Variants in RBFOX2 observed in about 807,000 individuals in gnomAD.
RBFOX2 encodes the protein RNA binding protein fox-1 homolog 2.
A neutral mutation model predicts 49.1 loss-of-function variants in RBFOX2; 10 were observed. The ratio of observed to expected loss-of-function variants is 0.20; its 90% CI spans 0.13 to 0.35. RBFOX2 has a LOEUF of 0.35. RBFOX2 is among the 10% of genes least tolerant of loss of function. RBFOX2 has a pLI of 1.00. For synonymous variants in RBFOX2, 183 were observed against 187.4 expected, an observed-to-expected ratio of 0.98 and a Z score of 0.19; for missense variants, 323 against 486.9, an observed-to-expected ratio of 0.66 and a Z score of 3.17.
chr22:35,803,147 A>AACACACAC (rs374346895), intron 2 of RBFOX2, among the ~76,000 whole-genome samples: 4,715 of 145,804 alleles, frequency 0.032, 101 homozygotes, highest in Non-Finnish European at 0.042. Context: ...AATTACTTAA[A>AACACACAC]ACACACACAC....
chr22:35,930,082 C>T (rs1316058462), intron 1 of RBFOX2, among the ~76,000 whole-genome samples: 4 of 139,638 alleles, frequency 2.9e-5, no homozygotes, highest in South Asian at 4.5e-4. Flanking sequence ...AGTGCAGTGG[C>T]ATAATCTCAG....
rs966871185 is a variant in RBFOX2 at position 36,012,931 on chromosome 22, A to T, written c.186+15309T>A. Among the ~76,000 whole-genome samples, 8 of 151,694 alleles carry T rather than the reference A, an allele frequency of 5.3e-5. No homozygotes were observed. In the East Asian group the frequency reaches 7.7e-4, roughly 15 times the overall value. ...AGGTGTCTGCCACTACGCCCAGCAA[A>T]TTTTTTTTATTTTTAGTAGAGATGG... is the stretch of plus-strand genomic sequence containing the variant. On this transcript the variant is annotated intron_variant, in intron 1 of 13. Coordinates refer to the RBFOX2 transcript ENST00000438146.
chr22:35,765,876 T>C (rs532178416), intron 5 of RBFOX2, among the ~76,000 whole-genome samples: 1 of 152,276 alleles, frequency 6.6e-6, no homozygotes, highest in Admixed American at 6.5e-5. Flanking sequence ...ATGAAATAGA[T>C]TGATGGAAAG....
chr22:35,781,825 C>A, intron 2 of RBFOX2, 79 bp from the exon 4 acceptor site: 1 of 1,577,846 alleles, frequency 6.3e-7, no homozygotes, highest in Admixed American at 1.7e-5. Flanking sequence ...AGCAATCATC[C>A]CCAAACAGGG....
intron 2 of RBFOX2, among the ~76,000 whole-genome samples, chr22:35,784,813 G>A (rs188409510): frequency 1.4e-4 from 21 of 152,122 alleles, no homozygotes; most frequent in South Asian, 1.2e-3. Flanking sequence ...GAGAGGGCCC[G>A]GGGGCCGCGA....
chr22:35,751,782 T>A lies in RBFOX2; in HGVS notation c.888-5221A>T, dbSNP rs150234860. On this transcript the variant is annotated intron_variant, in intron 9 of 11. Coordinates refer to ENST00000405409, the Ensembl canonical transcript of RBFOX2. ...ATCTTATTATTGTTTAAAATTGGGG[T>A]TAAGGGAAAAAATTGCTATGATCAA... 2.2e-3 allele frequency among the ~76,000 whole-genome samples: 331 copies of A among 152,274 alleles called. 4 individuals are homozygous for A. In the East Asian group the frequency reaches 0.034, roughly 16 times the overall value.
chr22:35,775,094 C>T (rs1943559027), intron 4 of RBFOX2, among the ~76,000 whole-genome samples: 1 of 152,080 alleles, frequency 6.6e-6, no homozygotes, highest in Non-Finnish European at 1.5e-5. Context: ...CAGTCAACCC[C>T]AAACATATAA....
upstream of RBFOX2, among the ~76,000 whole-genome samples, chr22:35,964,513 A>G (rs964819107): frequency 1.3e-5 from 2 of 152,228 alleles, no homozygotes; most frequent in African/African-American, 4.8e-5. Flanking sequence ...TTCTGGAATT[A>G]ATTTCATAAT....
chr22:35,935,519 T>C (rs2052958944), intron 1 of RBFOX2, among the ~76,000 whole-genome samples: 1 of 152,188 alleles, frequency 6.6e-6, no homozygotes, highest in Non-Finnish European at 1.5e-5. Flanking sequence ...ATTGGGACTG[T>C]ATATAACATG....
intron 1 of RBFOX2, chr22:35,961,535 C>G (rs1367802469): frequency 2.3e-6 from 3 of 1,303,314 alleles, no homozygotes; most frequent in Non-Finnish European, 3.0e-6. Context: ...CACTCCACCA[C>G]CCCCCACACA....
chr22:35,924,971 C>A (rs915298333), intron 1 of RBFOX2, among the ~76,000 whole-genome samples: 1 of 152,038 alleles, frequency 6.6e-6, no homozygotes, highest in Non-Finnish European at 1.5e-5. Flanking sequence ...GTCAGGAGTT[C>A]AAGACCAACT....
At chr22:35,865,664 T>C (rs1181793009) in intron 1 of RBFOX2, among the ~76,000 whole-genome samples, 1 of 152,146 alleles carries the variant, frequency 6.6e-6, no homozygotes, top group Non-Finnish European at 1.5e-5. Flanking sequence ...TATAACAATA[T>C]TATGGTGTGA....
chr22:35,849,368 T>A (rs74484641), intron 1 of RBFOX2, among the ~76,000 whole-genome samples: 8,619 of 151,240 alleles, frequency 0.057, 323 homozygotes, highest in African/African-American at 0.097. Context: ...TCAGAACTTC[T>A]AGGGGTGAAT....
At chr22:35,846,224 T>C (rs957461777) in intron 1 of RBFOX2, among the ~76,000 whole-genome samples, 2 of 149,568 alleles carry the variant, frequency 1.3e-5, no homozygotes, top group African/African-American at 4.9e-5. Flanking sequence ...GTATAAACTA[T>C]ATAAGTTAAT....
exon 1 of RBFOX2, chr22:36,028,363 G>A: frequency 5.0e-6 from 7 of 1,392,126 alleles, no homozygotes; most frequent in Non-Finnish European, 6.5e-6. Context: ...CCCGCTTCAT[G>A]CCCCGGGCGG....
chr22:35,849,298 A>ACAC (rs2041611904), intron 1 of RBFOX2, among the ~76,000 whole-genome samples: 7 of 133,350 alleles, frequency 5.2e-5, no homozygotes, highest in African/African-American at 8.5e-5. Context: ...TACACACACA[A>ACAC]ACACACACAC....
intron 9 of RBFOX2, among the ~76,000 whole-genome samples, chr22:35,757,157 A>C (rs559240152): frequency 1.3e-5 from 2 of 152,206 alleles, no homozygotes; most frequent in East Asian, 3.9e-4. Context: ...GTAGCTGGTT[A>C]AGAATAGAAG....
chr22:35,783,826 C>A (rs1384487167), intron 2 of RBFOX2, among the ~76,000 whole-genome samples: 1 of 152,220 alleles, frequency 6.6e-6, no homozygotes, highest in East Asian at 1.9e-4. Flanking sequence ...AATGTTTCCA[C>A]CACCAATACC....
At chr22:35,826,496 A>G (rs747147798) in intron 1 of RBFOX2, among the ~76,000 whole-genome samples, 5 of 152,326 alleles carry the variant, frequency 3.3e-5, no homozygotes, top group African/African-American at 4.8e-5. Context: ...ATGAACAGTC[A>G]CATCAATACA....
Sources: allele counts gnomAD v4.1 joint callset (sites outside exome capture counted in the v4.1 genomes callset), GRCh38; gene constraint gnomAD v4.1.1; transcripts MANE v1.5; gene names NCBI Gene and HGNC (gene_info 2026-07-23, HGNC 2026-07-21).